Variants in ANKRD26 observed in about 807,000 individuals in gnomAD.
The protein encoded by ANKRD26 is ankyrin repeat domain 26.
Under a neutral mutation model 208.7 loss-of-function variants are expected in ANKRD26, and 141 were observed. The observed-to-expected ratio is 0.68, with a 90% CI of 0.59 to 0.78. The LOEUF is 0.78. Among genes scored for constraint, ANKRD26 ranks in the 30% least tolerant of loss-of-function variants. The pLI, the probability that ANKRD26 is intolerant of heterozygous loss-of-function variation, is 0.00. For synonymous variants in ANKRD26, 636 were observed against 660.4 expected (o/e 0.96, Z 0.57); for missense variants, 1,889 against 1,938.7 (o/e 0.97, Z 0.48).
chr10:27,043,151 T>G (rs1423503186), intron 20 of ANKRD26, among the ~76,000 whole-genome samples: 2 of 110,532 alleles, frequency 1.8e-5, no homozygotes, highest in Non-Finnish European at 3.9e-5. Flanking sequence ...AAATGAAAAG[T>G]CAACAAAAAA....
intron 15 of ANKRD26, among the ~76,000 whole-genome samples, chr10:27,058,061 T>C (rs2054905347): frequency 6.6e-6 from 1 of 151,872 alleles, no homozygotes; most frequent in Non-Finnish European, 1.5e-5. Flanking sequence ...AAACAAGAAA[T>C]GAGTATATAA....
downstream of ANKRD26, among the ~76,000 whole-genome samples, chr10:26,971,189 A>G (rs10829149): frequency 0.34 from 51,858 of 151,882 alleles, 14,048 homozygotes; most frequent in African/African-American, 0.72. Context: ...TTTGAGACCA[A>G]CCTGGCCATC....
intron 21 of ANKRD26, among the ~76,000 whole-genome samples, chr10:27,039,059 C>T (rs1038596658): frequency 6.6e-6 from 1 of 152,168 alleles, no homozygotes; most frequent in Admixed American, 6.5e-5. Flanking sequence ...ATTTTCAACA[C>T]AGAACTTTGA....
At chr10:27,028,027 C>G (rs896345918) in intron 27 of ANKRD26, among the ~76,000 whole-genome samples, 9 of 152,164 alleles carry the variant, frequency 5.9e-5, no homozygotes, top group African/African-American at 2.2e-4. Flanking sequence ...GTGTTCAGAG[C>G]AGGTTTAAGA....
At chr10:27,027,711 G>A (rs1317807093) in intron 27 of ANKRD26, among the ~76,000 whole-genome samples, 1 of 152,058 alleles carries the variant, frequency 6.6e-6, no homozygotes, top group African/African-American at 2.4e-5. Flanking sequence ...TATCAATAAG[G>A]ATTTTCATAT....
rs1364898096 is a variant in ANKRD26, at chr10:27,077,464, T to G, written c.951A>C (p.Glu317Asp). The change falls in exon 9 of 34, where the codon GAA (glutamate) becomes GAC (aspartate). Residue 317 changes from glutamate to aspartate, a missense_variant. Glu to Asp is a conservative substitution (Grantham distance 45). Transcript: ENST00000376087. ...FEDRDSDSQDEVVVESLPTTS... is the reference protein window; with the variant it reads ...FEDRDSDSQDDVVVESLPTTS... Reference sequence around the variant, plus strand: ...TTGTAGGAAGGCTTTCAACCACAACTTCATCTTGACTATCGGAATCTCTAT... The same window carrying G: ...TTGTAGGAAGGCTTTCAACCACAACGTCATCTTGACTATCGGAATCTCTAT... The G allele has an allele frequency of 8.7e-6, 14 of 1,613,984 alleles. No individual in the cohort carries two copies. The highest frequency in any genetic ancestry group is 1.2e-5 in the Non-Finnish European group (14 of 1,179,968).
intron 9 of ANKRD26, among the ~76,000 whole-genome samples, chr10:27,074,381 C>A (rs902897149): frequency 1.2e-4 from 18 of 152,230 alleles, no homozygotes; most frequent in African/African-American, 3.9e-4. Flanking sequence ...ATTTAGGGAA[C>A]TACAAAATGT....
intron 32 of ANKRD26, among the ~76,000 whole-genome samples, chr10:27,008,900 A>T (rs6482586): frequency 7.9e-5 from 12 of 151,946 alleles, no homozygotes; most frequent in Non-Finnish European, 1.0e-4. Flanking sequence ...AGTGTAGTGG[A>T]GTAATCTCGG....
At chr10:26,991,448 T>C (rs966642514), downstream of ANKRD26, among the ~76,000 whole-genome samples, 1 of 152,162 alleles carries the variant, frequency 6.6e-6, no homozygotes, top group Admixed American at 6.5e-5. Flanking sequence ...AATTTTTTTT[T>C]TTTTTGAGAC....
At chr10:27,081,225 A>G (rs184969781) in intron 6 of ANKRD26, among the ~76,000 whole-genome samples, 26 of 152,278 alleles carry the variant, frequency 1.7e-4, no homozygotes, top group African/African-American at 5.8e-4. Flanking sequence ...GATAATTCCA[A>G]ACATCCTGTA....
intron 4 of ANKRD26, among the ~76,000 whole-genome samples, chr10:26,998,663 A>T (rs2052650217): frequency 6.6e-6 from 1 of 152,244 alleles, no homozygotes; most frequent in Non-Finnish European, 1.5e-5. Flanking sequence ...ACCAGAATTG[A>T]TAGACAAACG....
At chr10:26,983,955 A>T (rs940954793) in intron 3 of ANKRD26, among the ~76,000 whole-genome samples, 4 of 152,150 alleles carry the variant, frequency 2.6e-5, no homozygotes, top group African/African-American at 9.7e-5. Flanking sequence ...GGAAATAGGC[A>T]TGGTTGGCAT....
At chr10:27,047,876 T>TG (rs1287874802) in intron 17 of ANKRD26, among the ~76,000 whole-genome samples, 1 of 151,856 alleles carries the variant, frequency 6.6e-6, no homozygotes, top group East Asian at 1.9e-4. Context: ...CCCCAGTAGC[T>TG]GGGTTTACAG....
intron 3 of ANKRD26, among the ~76,000 whole-genome samples, chr10:26,986,888 T>C (rs184053122): frequency 5.5e-4 from 84 of 152,356 alleles, no homozygotes; most frequent in African/African-American, 1.9e-3. Flanking sequence ...CTCAGGGATC[T>C]AGAACTAGAA....
intron 25 of ANKRD26, among the ~76,000 whole-genome samples, chr10:27,031,390 C>T (rs1487632166): frequency 6.6e-6 from 1 of 152,174 alleles, no homozygotes; most frequent in Non-Finnish European, 1.5e-5. Context: ...TGCTACAACA[C>T]AGATGGACCC....
intron 5 of ANKRD26, among the ~76,000 whole-genome samples, chr10:26,978,825 G>C (rs1441511834): frequency 6.6e-6 from 1 of 152,206 alleles, no homozygotes; most frequent in Non-Finnish European, 1.5e-5. Flanking sequence ...ATATCTGCTT[G>C]TCAGAGTTCT....
At chr10:26,991,721 G>A (rs2052490803), downstream of ANKRD26, among the ~76,000 whole-genome samples, 1 of 152,182 alleles carries the variant, frequency 6.6e-6, no homozygotes, top group South Asian at 2.1e-4. Flanking sequence ...GATTACGGGT[G>A]TGAACCAAAG....
intron 16 of ANKRD26, among the ~76,000 whole-genome samples, chr10:27,050,550 A>G (rs1469852153): frequency 2.0e-5 from 3 of 152,218 alleles, no homozygotes; most frequent in African/African-American, 7.2e-5. Context: ...TGAGTCAAAC[A>G]GATAAGCTTT....
intron 33 of ANKRD26, 131 bp from the exon 34 acceptor site, chr10:27,005,854 T>C: frequency 9.0e-7 from 1 of 1,106,918 alleles, no homozygotes. Context: ...ACAACTATTA[T>C]ACAATATTAC....
Sources: gnomAD v4.1 joint callset for allele counts (sites outside exome capture counted in the v4.1 genomes callset) on GRCh38, gnomAD v4.1.1 for gene constraint, MANE v1.5 for transcripts, NCBI Gene and HGNC (gene_info 2026-07-23, HGNC 2026-07-21) for gene names.